The following TTC28 variants were observed in gnomAD, a reference collection of about 807,000 sequenced individuals.
TTC28 encodes tetratricopeptide repeat protein 28.
Under a neutral mutation model 198.0 loss-of-function variants are expected in TTC28, and 61 were observed. That is an observed-to-expected ratio of 0.31 (90% CI 0.25 to 0.38). The LOEUF is 0.38. TTC28 is among the 10% of genes least tolerant of loss of function. The pLI, the probability that TTC28 is intolerant of heterozygous loss-of-function variation, is 1.00. For synonymous variants in TTC28, 1,171 were observed against 1,297.8 expected (o/e 0.90, Z 2.10); for missense variants, 2,678 against 3,164.0 (o/e 0.85, Z 3.69).
intron 17 of TTC28, 112 bp downstream of exon 17, chr22:27,996,023 A>G (rs955420356): frequency 2.2e-5 from 32 of 1,433,378 alleles, no homozygotes; most frequent in African/African-American, 2.8e-5. Flanking sequence ...CACGGCCCCA[A>G]TCACGGTGTC....
intron 5 of TTC28, among the ~76,000 whole-genome samples, chr22:28,231,676 T>A (rs1928817191): frequency 6.6e-6 from 1 of 152,158 alleles, no homozygotes; most frequent in African/African-American, 2.4e-5. Flanking sequence ...AACTCAGCTG[T>A]GATAGACCAG....
rs1356023837 is a variant in TTC28 at position 28,094,192 on chromosome 22, T to C, written c.3820A>G (p.Ser1274Gly). The C allele has an allele frequency of 6.4e-7, 1 of 1,551,638 alleles. No individual in the cohort carries two copies. Among genetic ancestry groups the C allele is most frequent in the Non-Finnish European group, 8.7e-7 (1 of 1,146,952 alleles). ...YLGENTVENS[S>G]DFQASSSVTL... ...ACACTGCTGCTGGCCTGGAAGTCAC[T>C]TGAGTTTTCCACTGTGTTCTCACCC... is the stretch of plus-strand genomic sequence containing the variant. The change falls in exon 12 of 23, where the codon AGT becomes GGT. Residue 1274 changes from serine to glycine, a missense_variant. By Grantham distance (56) the Ser-to-Gly change is moderately conservative (BLOSUM62 0). This residue lies in a region of TTC28 where 727 missense variants were observed against 861.9 expected (regional missense o/e 0.84). Transcript: ENST00000397906.
chr22:28,012,044 G>A (rs1195005165), intron 14 of TTC28, among the ~76,000 whole-genome samples: 1 of 152,258 alleles, frequency 6.6e-6, no homozygotes, highest in Non-Finnish European at 1.5e-5. Flanking sequence ...ACCTTCAGAG[G>A]AGCGGGGATC....
rs796472763 is a variant in TTC28, at chr22:28,453,547, T to C, written c.382-146904A>G. ...CTGGTCCTTCTTCAATTTTATTTTA[T>C]ATCAGTTAATGGCATCTCTATTCAT... On this transcript the variant is annotated intron_variant, in intron 2 of 22. Coordinates refer to ENST00000397906, the MANE Select transcript of TTC28 (RefSeq NM_001145418.2). Among the ~76,000 whole-genome samples, 14 of 152,346 alleles carry C rather than the reference T, an allele frequency of 9.2e-5. 1 individual carries two copies. Among genetic ancestry groups the C allele is most frequent in the African/African-American group, 3.4e-4 (14 of 41,586 alleles).
chr22:28,120,923 C>A (rs545018688), intron 6 of TTC28, among the ~76,000 whole-genome samples: 370 of 152,288 alleles, frequency 2.4e-3, no homozygotes, highest in Non-Finnish European at 4.9e-3. Context: ...AAGCATAATG[C>A]TATCAAAACA....
chr22:28,369,251 A>C (rs2046292954), intron 2 of TTC28, among the ~76,000 whole-genome samples: 1 of 152,194 alleles, frequency 6.6e-6, no homozygotes, highest in East Asian at 1.9e-4. Context: ...AATGGAACAG[A>C]ATAGAGAACC....
chr22:28,564,409 TTTTAA>T, intron 2 of TTC28, among the ~76,000 whole-genome samples: 1 of 152,314 alleles, frequency 6.6e-6, no homozygotes, highest in South Asian at 2.1e-4. Flanking sequence ...AGAAAATACT[TTTTAA>T]TTTTAGTGAC....
Position 28,492,087 on chromosome 22 carries a change from A to G in TTC28, c.381+137465T>C, listed in dbSNP as rs139318363. Among the ~76,000 whole-genome samples, 903 of 151,366 alleles carry G rather than the reference A, an allele frequency of 6.0e-3. 4 individuals are homozygous for G. The highest frequency in any genetic ancestry group is 0.02 in the African/African-American group (811 of 41,306). The stretch of plus-strand genomic sequence containing the variant: ...AGAACACATGGACACAGGAAGGGGA[A>G]CATCACACACCAGAGACTGTTGTGG... On this transcript the variant is annotated intron_variant, in intron 2 of 22. Coordinates refer to ENST00000397906, the MANE Select transcript of TTC28 (RefSeq NM_001145418.2).
At chr22:28,190,129 C>G (rs924615745) in intron 5 of TTC28, among the ~76,000 whole-genome samples, 1 of 152,180 alleles carries the variant, frequency 6.6e-6, no homozygotes, top group Non-Finnish European at 1.5e-5. Context: ...GATTCAAAGC[C>G]AAGCTGGCTG....
chr22:28,340,029 G>C (rs993704461), intron 2 of TTC28, among the ~76,000 whole-genome samples: 3 of 152,190 alleles, frequency 2.0e-5, no homozygotes, highest in African/African-American at 2.4e-5. Context: ...GGCCATGTTG[G>C]CTCCCTAAAT....
intron 2 of TTC28, among the ~76,000 whole-genome samples, chr22:28,472,920 GAGAA>G (rs1003155113): frequency 1.3e-5 from 2 of 152,116 alleles, no homozygotes; most frequent in African/African-American, 4.8e-5. Context: ...TATCAGAATG[GAGAA>G]AGAAAGGATT....
intron 1 of TTC28, among the ~76,000 whole-genome samples, chr22:28,637,557 T>C (rs12165893): frequency 0.14 from 20,747 of 152,008 alleles, 1,664 homozygotes; most frequent in African/African-American, 0.2. Context: ...AAGCATACTA[T>C]AGAAAATCAT....
In TTC28 at chr22:28,163,599, C is replaced by A; in HGVS notation, c.934G>T (p.Ala312Ser). ...VLAMKLKDRE[A>S]ASSALSSLGH... ...AGACTGCTCAAGGCTGATGAAGCTG[C>A]CTGGAGAGAAAAGGATAAAGTGGAG... The change falls in exon 6 of 23, where the codon GCA becomes TCA. Residue 312 changes from alanine (A) to serine (S), a missense_variant and splice_region_variant. Ala to Ser is a moderately conservative substitution (Grantham distance 99, BLOSUM62 1). Around this residue, in one of 8 missense-constraint regions of TTC28, gnomAD observed 775 missense variants for 845.9 expected, o/e 0.92. Coordinates refer to ENST00000397906, the MANE Select transcript of TTC28 (RefSeq NM_001145418.2). 1.3e-6 allele frequency: 2 copies of A among 1,522,880 alleles called. No individual in the cohort carries two copies. Among genetic ancestry groups the A allele is most frequent in the Non-Finnish European group, 1.8e-6 (2 of 1,133,528 alleles). The allele number at this position is 1,522,880 out of a possible 1,614,324, so 94.3% of individuals were successfully genotyped here.
intron 2 of TTC28, among the ~76,000 whole-genome samples, chr22:28,404,166 T>C (rs940151905): frequency 1.3e-5 from 2 of 152,290 alleles, no homozygotes; most frequent in Admixed American, 6.5e-5. Context: ...GTTGCCCAGG[T>C]TGGAGTGCAG....
At chr22:28,125,484 C>T (rs567131486) in intron 6 of TTC28, among the ~76,000 whole-genome samples, 4 of 152,264 alleles carry the variant, frequency 2.6e-5, no homozygotes, top group African/African-American at 9.6e-5. Context: ...AATGGAGGCC[C>T]AAACACAATA....
intron 12 of TTC28, among the ~76,000 whole-genome samples, chr22:28,072,495 T>C (rs1941029137): frequency 6.6e-6 from 1 of 152,150 alleles, no homozygotes; most frequent in Non-Finnish European, 1.5e-5. Flanking sequence ...TCCATTAGGG[T>C]GCTATGTATT....
intron 2 of TTC28, among the ~76,000 whole-genome samples, chr22:28,317,933 T>C (rs923552637): frequency 2.6e-5 from 4 of 152,156 alleles, no homozygotes; most frequent in African/African-American, 9.7e-5. Flanking sequence ...TTTTGGGGTC[T>C]TGCTCTGTCA....
chr22:28,254,022 T>C (rs1289363845), intron 5 of TTC28, among the ~76,000 whole-genome samples: 1 of 151,074 alleles, frequency 6.6e-6, no homozygotes, highest in Non-Finnish European at 1.5e-5. Flanking sequence ...GAGGATTGCT[T>C]GAACCCAGGA....
At chr22:28,280,895 TC>T (rs1369621239) in intron 5 of TTC28, among the ~76,000 whole-genome samples, 1 of 152,154 alleles carries the variant, frequency 6.6e-6, no homozygotes, top group Non-Finnish European at 1.5e-5. Flanking sequence ...TTTTTTTCTT[TC>T]AGCACGCTGA....
Sources: allele counts gnomAD v4.1 joint callset (sites outside exome capture counted in the v4.1 genomes callset), GRCh38; gene constraint gnomAD v4.1.1; regional missense constraint gnomAD v4.1.1; transcripts MANE v1.5; gene names NCBI Gene and HGNC (gene_info 2026-07-23, HGNC 2026-07-21).